The following KDM2B variants were observed in gnomAD, a reference collection of about 807,000 sequenced individuals.
The protein encoded by KDM2B is lysine demethylase 2B.
Under a neutral mutation model 150.0 loss-of-function variants are expected in KDM2B, and 26 were observed. That is an observed-to-expected ratio of 0.17 (90% confidence interval 0.13 to 0.24). KDM2B has a LOEUF of 0.24. Ranked by LOEUF, KDM2B falls within the 10% of genes least tolerant of loss-of-function variation. The pLI, the probability that KDM2B is intolerant of heterozygous loss-of-function variation, is 1.00. For missense variants in KDM2B, 1,265 were observed against 1,816.9 expected (o/e 0.70, Z 5.52); for synonymous variants, 734 against 729.5 (o/e 1.01, Z -0.10).
intron 11 of KDM2B, 41 bp from the exon 12 acceptor site, chr12:121,494,706 G>C (rs1555300586): frequency 6.6e-7 from 1 of 1,518,098 alleles, no homozygotes; most frequent in South Asian, 1.2e-5. Context: ...CAGGGGGAAG[G>C]GGAGGTCTCT....
chr12:121,438,967 C>T (rs937719151), intron 22 of KDM2B, among the ~76,000 whole-genome samples: 4 of 152,178 alleles, frequency 2.6e-5, no homozygotes, highest in Non-Finnish European at 5.9e-5. Context: ...GGCAGCATTG[C>T]TCTGTGTACC....
intron 12 of KDM2B, among the ~76,000 whole-genome samples, chr12:121,458,807 G>A (rs556144123): frequency 6.0e-4 from 89 of 149,406 alleles, no homozygotes; most frequent in African/African-American, 2.1e-3. Context: ...ATCTAAAAAG[G>A]CTGGGCAAGG....
chr12:121,479,361 G>A (rs1881806008), intron 12 of KDM2B, among the ~76,000 whole-genome samples: 1 of 151,200 alleles, frequency 6.6e-6, no homozygotes, highest in Non-Finnish European at 1.5e-5. Context: ...CAGCTACTCG[G>A]AAGGCTGAGG....
chr12:121,559,060 G>A (rs921761961), intron 4 of KDM2B, among the ~76,000 whole-genome samples: 13 of 152,206 alleles, frequency 8.5e-5, no homozygotes, highest in Non-Finnish European at 2.9e-5. Context: ...GGTCCCCGCT[G>A]ACTACACCTC....
At chr12:121,436,259 C>T (rs948610117) in intron 22 of KDM2B, among the ~76,000 whole-genome samples, 7 of 152,202 alleles carry the variant, frequency 4.6e-5, no homozygotes, top group Non-Finnish European at 8.8e-5. Context: ...CGGTGGCTCA[C>T]GCCTGTAATC....
chr12:121,420,625 T>C, the KDM2B span: 1 of 1,614,158 alleles, frequency 6.2e-7, no homozygotes, highest in Non-Finnish European at 8.5e-7. Context: ...GTCTGACTTG[T>C]CAAGCCTTGA....
chr12:121,429,707 TTCTC>T lies in KDM2B; in HGVS notation c.*577_*580del. 1 of 396,662 alleles carries T rather than the reference TTCTC, an allele frequency of 2.5e-6. No individual in the cohort carries two copies. Among genetic ancestry groups the T allele is most frequent in the South Asian group, 5.1e-5 (1 of 19,694 alleles). 24.6% of individuals were successfully genotyped at this position (396,662 alleles called of 1,614,324 possible). A position where few individuals can be genotyped will look rare whatever the true frequency, so the allele number is the denominator to read the frequency against. ...TTGTGTCGATGAAGTACACGTTAAA[TTCTC>T]TCCTACCTTAAGGAAATCAGGAAAA... On this transcript the variant is annotated 3_prime_UTR_variant, in exon 23 of 23. Transcript: ENST00000377071.
chr12:121,553,241 A>C (rs28675711), intron 4 of KDM2B, among the ~76,000 whole-genome samples: 19,827 of 150,982 alleles, frequency 0.13, 3,360 homozygotes, highest in African/African-American at 0.4. Context: ...AAAAAAAAAA[A>C]AGAAAGAAAG....
chr12:121,426,452 C>CCT (rs1555284248), downstream of KDM2B, among the ~76,000 whole-genome samples: 1,373 of 125,804 alleles, frequency 0.011, 61 homozygotes, highest in African/African-American at 0.045. Context: ...CCTCCCCCCC[C>CCT]TTTTTTTTTT....
In KDM2B at chr12:121,580,255, G is replaced by T. The variant is rs555689699; in HGVS notation, c.126+531C>A. 1.1e-4 allele frequency: 144 copies of T among 1,275,754 alleles called. 1 individual carries two copies. Among genetic ancestry groups the T allele is most frequent in the East Asian group, 9.3e-4 (31 of 33,204 alleles). The allele number at this position is 1,275,754 out of a possible 1,614,324, so 79.0% of individuals were successfully genotyped here. ...AGGAAACCATTTTCAGCAGTTGTGG[G>T]GGGGGGGAGGCGTCGACGTCATAAT... On this transcript the variant is annotated intron_variant, in intron 1 of 22. Transcript: ENST00000377071.
At chr12:121,423,436 A>G in the KDM2B span, 10 of 1,613,190 alleles carry the variant, frequency 6.2e-6, no homozygotes, top group Non-Finnish European at 7.6e-6. This position sits in a 1 kb window ranked among gnomAD's most constrained non-coding sequence, Gnocchi z 4.3. Context: ...CCTGTGTCGC[A>G]TCTGCATGGA....
At chr12:121,448,781 A>C (rs1261377667) in intron 13 of KDM2B, among the ~76,000 whole-genome samples, 1 of 152,246 alleles carries the variant, frequency 6.6e-6, no homozygotes, top group Non-Finnish European at 1.5e-5. Flanking sequence ...CCACGGCCTG[A>C]AACAAGGTCC....
At chr12:121,534,615 G>A (rs782136287) in intron 6 of KDM2B, 25 bp from the exon 7 acceptor site, 3 of 1,552,016 alleles carry the variant, frequency 1.9e-6, no homozygotes, top group Admixed American at 1.7e-5. Flanking sequence ...CAGGGAGACA[G>A]AACACAAGTC....
intron 1 of KDM2B, chr12:121,580,197 C>A: frequency 6.6e-7 from 1 of 1,517,948 alleles, no homozygotes; most frequent in Non-Finnish European, 8.7e-7. Flanking sequence ...AAGTTTTGCA[C>A]CAACACTTAG....
At chr12:121,422,887 G>A in the KDM2B span, among the ~76,000 whole-genome samples, 1 of 151,312 alleles carries the variant, frequency 6.6e-6, no homozygotes, top group Admixed American at 6.6e-5. Context: ...AGGGAGGGAA[G>A]GATGCACAAT....
At chr12:121,541,421 AGGACGGAG>A (rs1398784474) in intron 6 of KDM2B, among the ~76,000 whole-genome samples, 8 of 127,796 alleles carry the variant, frequency 6.3e-5, no homozygotes, top group African/African-American at 2.9e-5. Context: ...AAAAAAAGGA[AGGACGGAG>A]GGAAGGAGGG....
chr12:121,573,285 C>CTT (rs34937823), intron 4 of KDM2B, among the ~76,000 whole-genome samples: 1 of 141,986 alleles, frequency 7.0e-6, no homozygotes, highest in Non-Finnish European at 1.5e-5. Context: ...ACACTGTTTA[C>CTT]TTTTTTTTTT....
At chr12:121,511,433 T>C (rs1885585470) in intron 10 of KDM2B, among the ~76,000 whole-genome samples, 1 of 152,074 alleles carries the variant, frequency 6.6e-6, no homozygotes, top group Non-Finnish European at 1.5e-5. Flanking sequence ...ATTACAGGCA[T>C]GTGCCACCAC....
chr12:121,421,331 GT>G, the KDM2B span, among the ~76,000 whole-genome samples: 1 of 125,904 alleles, frequency 7.9e-6, no homozygotes, highest in Non-Finnish European at 1.6e-5. Context: ...GAGCCCAGGA[GT>G]TTGAGACCAG....
Sources: allele counts gnomAD v4.1 joint callset (sites outside exome capture counted in the v4.1 genomes callset), GRCh38; gene constraint gnomAD v4.1.1; non-coding constraint Gnocchi (gnomAD v3.1); transcripts MANE v1.5; gene names NCBI Gene and HGNC (gene_info 2026-07-23, HGNC 2026-07-21).